The following MED1 variants were observed in gnomAD, a reference collection of about 807,000 sequenced individuals.
MED1 encodes the protein mediator complex subunit 1.
MED1 carries 17 observed loss-of-function variants against 121.3 expected under a neutral mutation model. The ratio of observed to expected loss-of-function variants is 0.14; its 90% CI spans 0.10 to 0.21. The LOEUF is 0.21. Ranked by LOEUF, MED1 falls within the 10% of genes least tolerant of loss-of-function variation. The pLI, the probability that MED1 is intolerant of heterozygous loss-of-function variation, is 1.00. For missense variants in MED1, 1,558 were observed against 1,919.4 expected, an observed-to-expected ratio of 0.81 and a Z score of 3.52; for synonymous variants, 661 against 694.4, an observed-to-expected ratio of 0.95 and a Z score of 0.76.
rs1032160511 is a variant in MED1, at chr17:39,429,462, G to T, written c.649+1653C>A. 3.9e-5 allele frequency among the ~76,000 whole-genome samples: 6 copies of T among 152,022 alleles called. No individual in the cohort carries two copies. The East Asian group carries it at 1.2e-3, about 29-fold the overall frequency. On this transcript the variant is annotated intron_variant, in intron 9 of 16. Transcript: ENST00000300651. ...TATAATCCCAGCACTTTGGGAGGCC[G>T]AGACAGGCAGCTCACCTAGGGTCAG...
At chr17:39,414,733 A>C (rs12948560) in intron 16 of MED1, among the ~76,000 whole-genome samples, 1 of 143,962 alleles carries the variant, frequency 6.9e-6, no homozygotes, top group African/African-American at 2.7e-5. Flanking sequence ...GCAATGGCGC[A>C]ATCTTGGCTC....
chr17:39,446,755 A>C (rs1189762307), intron 2 of MED1, among the ~76,000 whole-genome samples: 1 of 151,174 alleles, frequency 6.6e-6, no homozygotes, highest in Non-Finnish European at 1.5e-5. Flanking sequence ...GCCTGGCCAC[A>C]GAGCAAGACT....
In MED1 at chr17:39,408,191, G is replaced by A. The variant is rs746354046; in HGVS notation, c.4030C>T (p.His1344Tyr). The A allele has an allele frequency of 9.3e-6, 15 of 1,614,038 alleles. No individual in the cohort carries two copies. The highest frequency in any genetic ancestry group is 2.2e-5 in the South Asian group (2 of 91,080). Residue 1344 changes from histidine to tyrosine, a missense_variant, in exon 17 of 17, where the codon CAT (histidine) becomes TAT (tyrosine). Transcript: ENST00000300651. This position sits in a 1 kb window ranked among gnomAD's most constrained non-coding sequence, Gnocchi z 4.7. Reference sequence around the variant, plus strand: ...TGAAACTCTCCTCCTGACATGTTATGTTTGGAGGACATAGGATGGCTGGAA... The same window carrying A: ...TGAAACTCTCCTCCTGACATGTTATATTTGGAGGACATAGGATGGCTGGAA... ...NSSSHPMSSK[H>Y]NMSGGEFQGK...
At chr17:39,431,038 C>T in intron 9 of MED1, 77 bp downstream of exon 9, 1 of 1,327,716 alleles carries the variant, frequency 7.5e-7, no homozygotes, top group East Asian at 2.3e-5. Context: ...AACAAACAAA[C>T]TAAAGGTGAA....
At chr17:39,426,114 C>T (rs940178016) in intron 10 of MED1, among the ~76,000 whole-genome samples, 6 of 152,080 alleles carry the variant, frequency 3.9e-5, no homozygotes, top group African/African-American at 1.4e-4. Flanking sequence ...GCCTGGGCAA[C>T]ACAGTGAGAC....
chr17:39,431,817 C>A, intron 8 of MED1, 125 bp downstream of exon 8: 1 of 630,272 alleles, frequency 1.6e-6, no homozygotes, highest in Non-Finnish European at 2.7e-6. Context: ...CAAATACAAT[C>A]ATCATTTTGG....
rs969366838 is a variant in MED1, at chr17:39,405,383, G to A, written c.*2092C>T. 36 of 1,556,840 alleles carry A rather than the reference G, an allele frequency of 2.3e-5. No homozygotes were observed. The highest frequency in any genetic ancestry group is 3.0e-5 in the Non-Finnish European group (35 of 1,149,980). ...GTATTTGTTGGCCCTGCATGGGGGA[G>A]CTGAGCCCATGATACTATTCAGTAC... On this transcript the variant is annotated 3_prime_UTR_variant, in exon 17 of 17. Transcript: ENST00000300651.
In MED1 at chr17:39,407,513, C is replaced by G; in HGVS notation, c.4708G>C (p.Asp1570His). 6.2e-7 allele frequency: 1 copy of G among 1,612,708 alleles called. No homozygotes were observed. The highest frequency in any genetic ancestry group is 8.5e-7 in the Non-Finnish European group (1 of 1,179,280). The change falls in exon 17 of 17, where the codon GAT becomes CAT. Residue 1570 changes from aspartate to histidine, a missense_variant. Physicochemically the swap from Asp to His is moderately conservative, Grantham distance 81. This residue lies in a region of MED1 where 264 missense variants were observed against 326.1 expected (regional missense o/e 0.81). Coordinates refer to ENST00000300651, the MANE Select transcript of MED1 (RefSeq NM_004774.4). ...LSPDFMIGEE[D>H]DDLMDVALIG... ...AGGGCCACATCCATAAGATCATCAT[C>G]TTCCTCCCCAATCATAAAGTCTGGG...
At position 39,405,326 on chromosome 17, in the gene MED1, A is replaced by T. The variant is rs781688324; in HGVS notation, c.*2149T>A. ...TCTTTGATCTGGGATGAAGACAGAAAGAGAGAAAAGCTTCCCAGTTTACTC... is the reference window on the plus strand; with the variant it reads ...TCTTTGATCTGGGATGAAGACAGAATGAGAGAAAAGCTTCCCAGTTTACTC... On this transcript the variant is annotated 3_prime_UTR_variant, in exon 17 of 17. Transcript: ENST00000300651. The T allele has an allele frequency of 1.3e-6, 2 of 1,599,458 alleles. No individual in the cohort carries two copies. The highest frequency in any genetic ancestry group is 8.5e-7 in the Non-Finnish European group (1 of 1,173,262).
At chr17:39,447,715 T>A in intron 2 of MED1, 83 bp downstream of exon 2, 1 of 973,674 alleles carries the variant, frequency 1.0e-6, no homozygotes, top group South Asian at 1.5e-5. Context: ...GAAGATAGTA[T>A]GAACACATCT....
intron 14 of MED1, among the ~76,000 whole-genome samples, chr17:39,416,765 T>A (rs1279218768): frequency 6.6e-6 from 1 of 152,118 alleles, no homozygotes; most frequent in Non-Finnish European, 1.5e-5. Context: ...GTGGGAGGAA[T>A]GCCTGAGGCC....
Position 39,409,569 on chromosome 17 carries a change from A to G in MED1, c.2652T>C (p.Asp884=). The change falls in exon 17 of 17, where the codon GAT becomes GAC. Residue 884 remains aspartate (D), a synonymous_variant. Coordinates refer to ENST00000300651, the MANE Select transcript of MED1 (RefSeq NM_004774.4). Reference sequence around the variant, plus strand: ...CATTATCCCCACTTTGGCTGCTTTCATCAAAATATTCTTCTCCAAAACCAC... The same window carrying G: ...CATTATCCCCACTTTGGCTGCTTTCGTCAAAATATTCTTCTCCAAAACCAC... ...SQSGFGEEYF[D]ESSQSGDNDD... is the part of the protein sequence containing the mutation. The G allele has an allele frequency of 1.2e-6, 2 of 1,614,192 alleles. No homozygotes were observed. Among genetic ancestry groups the G allele is most frequent in the Non-Finnish European group, 1.7e-6 (2 of 1,180,036 alleles).
At chr17:39,427,456 A>T (rs1159580991) in intron 10 of MED1, 1 of 232,104 alleles carries the variant, frequency 4.3e-6, no homozygotes, top group Non-Finnish European at 8.5e-6. Flanking sequence ...CTGGGATTAC[A>T]GGCGTGAGCC....
In MED1 at chr17:39,415,225, A is replaced by G. The variant is rs1402158770; in HGVS notation, c.1393+19T>C. On this transcript the variant is annotated intron_variant, in intron 15 of 16. Transcript: ENST00000300651. ...ACCAAACCGCTCCATGAGAGGTGTT[A>G]GCCACCCACACAACTCACCACACAC... 1.9e-6 allele frequency: 3 copies of G among 1,605,888 alleles called. No homozygotes were observed. In the South Asian group the frequency reaches 3.3e-5, roughly 18 times the overall value.
rs773879105 is a variant in MED1, at chr17:39,409,816, G to C, written c.2405C>G (p.Ala802Gly). ...KLPSTSDDCPAIGTPLRDSSS... is the reference protein window; with the variant it reads ...KLPSTSDDCPGIGTPLRDSSS... ...AGAATCTCGAAGAGGGGTGCCAATGGCTGGGCAATCATCACTAGTGCTGGG... is the reference window on the plus strand; with the variant it reads ...AGAATCTCGAAGAGGGGTGCCAATGCCTGGGCAATCATCACTAGTGCTGGG... The change falls in exon 17 of 17, where the codon GCC (alanine) becomes GGC (glycine). Residue 802 changes from alanine to glycine, a missense_variant. Coordinates refer to ENST00000300651, the MANE Select transcript of MED1 (RefSeq NM_004774.4). The C allele has an allele frequency of 2.5e-6, 4 of 1,614,056 alleles. No individual in the cohort carries two copies. Among genetic ancestry groups the C allele is most frequent in the Non-Finnish European group, 3.4e-6 (4 of 1,180,038 alleles).
chr17:39,438,470 G>C (rs1000594305), intron 6 of MED1, among the ~76,000 whole-genome samples: 5 of 150,616 alleles, frequency 3.3e-5, no homozygotes, highest in African/African-American at 1.2e-4. Flanking sequence ...AGCCTCCCTA[G>C]TAGCTGGAAC....
intron 1 of MED1, among the ~76,000 whole-genome samples, chr17:39,449,389 T>G (rs2048759874): frequency 6.6e-6 from 1 of 152,126 alleles, no homozygotes; most frequent in African/African-American, 2.4e-5. Context: ...CCAGGTTGTC[T>G]AGGCTGGTCT....
At position 39,405,456 on chromosome 17, in the gene MED1, T is replaced by TA; in HGVS notation, c.*2018dup. ...CTCAGAACAAATTTTAAAAACCACA[T>TA]AAATTTTTTTTTTTTTCCTGCAGAA... is the stretch of plus-strand genomic sequence containing the variant. On this transcript the variant is annotated 3_prime_UTR_variant, in exon 17 of 17. Transcript: ENST00000300651. 6 of 1,391,030 alleles carry TA rather than the reference T, an allele frequency of 4.3e-6. No homozygotes were observed. Among genetic ancestry groups the TA allele is most frequent in the East Asian group, 5.2e-5 (2 of 38,290 alleles). 86.2% of individuals were successfully genotyped at this position (1,391,030 alleles called of 1,614,324 possible).
chr17:39,429,601 C>G (rs569465197), intron 9 of MED1, among the ~76,000 whole-genome samples: 33 of 144,112 alleles, frequency 2.3e-4, no homozygotes, highest in African/African-American at 8.2e-4. Flanking sequence ...GAGGCTGAGG[C>G]AAGAGAATTG....
Sources: gnomAD v4.1 joint callset for allele counts (sites outside exome capture counted in the v4.1 genomes callset) on GRCh38, gnomAD v4.1.1 for gene constraint, gnomAD v4.1.1 regional missense constraint, Gnocchi (gnomAD v3.1) non-coding constraint, MANE v1.5 for transcripts, NCBI Gene and HGNC (gene_info 2026-07-23, HGNC 2026-07-21) for gene names.